Variants in DECR1 observed in about 807,000 individuals in gnomAD.
DECR1 encodes 2,4-dienoyl-CoA reductase [(3E)-enoyl-CoA-producing], mitochondrial.
DECR1 carries 44 observed loss-of-function variants against 38.8 expected under a neutral mutation model. The observed-to-expected ratio is 1.13, with a 90% CI of 0.89 to 1.46. The LOEUF is 1.46. Among genes scored for constraint, DECR1 ranks in the 40% most tolerant of loss-of-function variants. DECR1 has a pLI of 0.00. For missense variants in DECR1, 428 were observed against 405.5 expected (o/e 1.06, Z -0.48); for synonymous variants, 148 against 135.2 (o/e 1.09, Z -0.66).
chr8:90,002,872 A>C (rs539700632), intron 1 of DECR1, among the ~76,000 whole-genome samples: 1 of 152,314 alleles, frequency 6.6e-6, no homozygotes, highest in African/African-American at 2.4e-5. Context: ...CTCATTTGAA[A>C]TCTACAACAG....
chr8:90,025,008 G>A (rs182357748), intron 5 of DECR1, among the ~76,000 whole-genome samples: 12 of 152,092 alleles, frequency 7.9e-5, no homozygotes, highest in African/African-American at 2.9e-4. Flanking sequence ...TTTTTGTCAG[G>A]TTTGTCAAAG....
At position 90,005,382 on chromosome 8, in the gene DECR1, G is replaced by A. The variant is rs188483720; in HGVS notation, c.69+3821G>A. The A allele has an allele frequency of 2.9e-3, 1,321 of 456,276 alleles. 11 individuals are homozygous for A. The highest frequency in any genetic ancestry group is 5.5e-3 in the Middle Eastern group (17 of 3,076). The allele number at this position is 456,276 out of a possible 1,614,324, so 28.3% of individuals were successfully genotyped here. Reference sequence around the variant, plus strand: ...CAATGGCATTATGGTATGATGTGCCGCATGTTAGGTTGGGTGTTCTTGCTT... The same window carrying A: ...CAATGGCATTATGGTATGATGTGCCACATGTTAGGTTGGGTGTTCTTGCTT... On this transcript the variant is annotated intron_variant, in intron 1 of 9. Transcript: ENST00000220764.
chr8:90,015,552 C>G (rs1812986702), intron 1 of DECR1: 3 of 417,566 alleles, frequency 7.2e-6, no homozygotes, highest in South Asian at 5.2e-5. Flanking sequence ...TGATGAACAG[C>G]CTCCTTCTAA....
intron 6 of DECR1, among the ~76,000 whole-genome samples, chr8:90,037,988 G>A (rs1813655041): frequency 6.6e-6 from 1 of 152,038 alleles, no homozygotes; most frequent in South Asian, 2.1e-4. Context: ...GTCACTCTTT[G>A]GAATAAAAGC....
chr8:90,003,448 A>C (rs1264128828), intron 1 of DECR1, among the ~76,000 whole-genome samples: 3 of 152,082 alleles, frequency 2.0e-5, no homozygotes, highest in African/African-American at 4.8e-5. Context: ...AATTTAAAAA[A>C]TACGAGCCCT....
chr8:90,021,210 G>C (rs952026328), intron 5 of DECR1, among the ~76,000 whole-genome samples, 154 bp downstream of exon 5: 2 of 152,218 alleles, frequency 1.3e-5, no homozygotes, highest in Non-Finnish European at 2.9e-5. Flanking sequence ...ATTATCATAT[G>C]TTACAATTTG....
At position 90,018,901 on chromosome 8, in the gene DECR1, A is replaced by G; in HGVS notation, c.273-8A>G. On this transcript the variant is annotated splice_polypyrimidine_tract_variant and splice_region_variant and intron_variant, in intron 2 of 9. Coordinates refer to ENST00000220764, the MANE Select transcript of DECR1 (RefSeq NM_001359.2). ...TAATATGAAGTCATACAAGGTGTTT[A>G]TTTCTAGGAAGATGGATGTTTTGAA... The G allele has an allele frequency of 6.3e-7, 1 of 1,581,878 alleles. No homozygotes were observed. The highest frequency in any genetic ancestry group is 1.1e-5 in the South Asian group (1 of 87,616).
intron 1 of DECR1, among the ~76,000 whole-genome samples, chr8:90,004,973 T>C (rs1038207325): frequency 6.6e-6 from 1 of 152,172 alleles, no homozygotes; most frequent in Non-Finnish European, 1.5e-5. Context: ...TTATAATGCA[T>C]ATATGACCCA....
At chr8:90,045,112 T>C (rs771139719) in intron 8 of DECR1, 117 bp downstream of exon 8, 9 of 836,122 alleles carry the variant, frequency 1.1e-5, no homozygotes, top group African/African-American at 3.5e-5. Flanking sequence ...AATATGTATT[T>C]AGTTGTAAAT....
Position 90,019,136 on chromosome 8 carries a change from T to C in DECR1, c.381T>C (p.Thr127=). Residue 127 remains threonine (T), a synonymous_variant, in exon 4 of 10, where the codon ACT becomes ACC. Transcript: ENST00000220764. ...DVRDPDMVQN[T]VSELIKVAGH... ...GGGATCCTGATATGGTTCAAAACACTGTGTCAGAACTGATCAAAGTTGCAG... is the reference window on the plus strand; with the variant it reads ...GGGATCCTGATATGGTTCAAAACACCGTGTCAGAACTGATCAAAGTTGCAG... The C allele has an allele frequency of 6.2e-7, 1 of 1,614,214 alleles. No individual in the cohort carries two copies. The highest frequency in any genetic ancestry group is 8.5e-7 in the Non-Finnish European group (1 of 1,180,016).
chr8:90,037,704 C>T (rs2130130592), intron 6 of DECR1, among the ~76,000 whole-genome samples: 1 of 152,224 alleles, frequency 6.6e-6, no homozygotes, highest in East Asian at 1.9e-4. Context: ...CTGCCTCAGC[C>T]TCCCAAAGTG....
At chr8:90,044,132 G>T (rs1813828668) in intron 7 of DECR1, among the ~76,000 whole-genome samples, 1 of 152,188 alleles carries the variant, frequency 6.6e-6, no homozygotes, top group Non-Finnish European at 1.5e-5. Context: ...AACCAGGACT[G>T]GGACCAGTTG....
intron 5 of DECR1, among the ~76,000 whole-genome samples, chr8:90,028,559 G>C (rs971654375): frequency 6.6e-6 from 1 of 152,008 alleles, no homozygotes; most frequent in African/African-American, 2.4e-5. Context: ...ATTCCCACAA[G>C]TTGTATATTA....
intron 1 of DECR1, among the ~76,000 whole-genome samples, chr8:90,004,906 T>C (rs1169123877): frequency 6.6e-6 from 1 of 152,090 alleles, no homozygotes; most frequent in Non-Finnish European, 1.5e-5. Flanking sequence ...ATCTGAAAAA[T>C]GATAGTCTAG....
chr8:90,024,286 T>G (rs1367204957), intron 5 of DECR1, among the ~76,000 whole-genome samples: 3 of 152,252 alleles, frequency 2.0e-5, no homozygotes, highest in Non-Finnish European at 4.4e-5. Context: ...CCTTGAGGAA[T>G]AGCCACACTG....
intron 5 of DECR1, 80 bp downstream of exon 5, chr8:90,021,136 A>G: frequency 8.7e-7 from 1 of 1,145,204 alleles, no homozygotes; most frequent in Non-Finnish European, 1.2e-6. Flanking sequence ...ATACTTTAAA[A>G]GTCAATGAGA....
chr8:90,011,774 T>C (rs1162302907), intron 1 of DECR1, among the ~76,000 whole-genome samples: 1 of 152,224 alleles, frequency 6.6e-6, no homozygotes, highest in East Asian at 1.9e-4. Context: ...CTCCCCCTGC[T>C]TCTTTCCCAA....
At chr8:90,042,943 A>G in intron 7 of DECR1, 143 bp downstream of exon 7, 1 of 667,848 alleles carries the variant, frequency 1.5e-6, no homozygotes, top group Non-Finnish European at 2.6e-6. Flanking sequence ...CTTTGCCTTT[A>G]TTCATTATCG....
chr8:90,051,377 T>G (rs1036701597), intron 8 of DECR1, among the ~76,000 whole-genome samples: 5 of 152,028 alleles, frequency 3.3e-5, no homozygotes, highest in Non-Finnish European at 7.4e-5. Context: ...TAAGATTTTT[T>G]TGGGGACACA....
Sources: gnomAD v4.1 joint callset for allele counts (sites outside exome capture counted in the v4.1 genomes callset) on GRCh38, gnomAD v4.1.1 for gene constraint, MANE v1.5 for transcripts, NCBI Gene and HGNC (gene_info 2026-07-23, HGNC 2026-07-21) for gene names.